ZRANB3: variants seen among roughly 807,000 people sequenced by gnomAD.
ZRANB3 encodes zinc finger RANBP2-type containing 3, also known as DNA annealing helicase and endonuclease ZRANB3.
A neutral mutation model predicts 133.8 loss-of-function variants in ZRANB3; 125 were observed. The observed-to-expected ratio is 0.93, with a 90% confidence interval of 0.81 to 1.08. The LOEUF (loss-of-function observed/expected upper bound fraction) is 1.08. Among genes scored for constraint, ZRANB3 ranks in the 50% least tolerant of loss-of-function variants. The pLI is 0.00. For synonymous variants in ZRANB3, 387 were observed against 432.7 expected (o/e 0.89, Z 1.31); for missense variants, 1,229 against 1,275.5 (o/e 0.96, Z 0.56).
intron 1 of ZRANB3, among the ~76,000 whole-genome samples, chr2:135,522,437 C>T (rs1433963006): frequency 6.6e-6 from 1 of 152,064 alleles, no homozygotes; most frequent in African/African-American, 2.4e-5. Context: ...ACTTGGGGTA[C>T]CCGCCGGGTG....
chr2:135,293,089 G>A (rs1037021392), intron 8 of ZRANB3, among the ~76,000 whole-genome samples: 1 of 151,948 alleles, frequency 6.6e-6, no homozygotes, highest in African/African-American at 2.4e-5. Context: ...TTCTTTTTTG[G>A]TTCCATATGA....
At chr2:135,497,626 C>A (rs535727913) in intron 2 of ZRANB3, among the ~76,000 whole-genome samples, 2 of 152,230 alleles carry the variant, frequency 1.3e-5, no homozygotes, top group African/African-American at 4.8e-5. Flanking sequence ...TTAGACAGCA[C>A]TTATCTAGAA....
chr2:135,522,537 C>T (rs563414395), intron 1 of ZRANB3, among the ~76,000 whole-genome samples: 6 of 152,172 alleles, frequency 3.9e-5, no homozygotes, highest in Admixed American at 6.5e-5. Flanking sequence ...AGGTAGCTCA[C>T]GCCTGTAATC....
chr2:135,203,874 T>C (rs960836275), intron 19 of ZRANB3, among the ~76,000 whole-genome samples: 2 of 152,206 alleles, frequency 1.3e-5, no homozygotes, highest in African/African-American at 2.4e-5. Flanking sequence ...TTTAGGCCAG[T>C]CCATATATAC....
At chr2:135,530,670 G>C (rs1230435435) in intron 1 of ZRANB3, 4 of 152,234 alleles carry the variant, frequency 2.6e-5, no homozygotes, top group Non-Finnish European at 5.9e-5. Context: ...ATGGTATTTT[G>C]AGGAAACTCT....
At chr2:135,228,337 G>A (rs1378869193) in intron 13 of ZRANB3, 1 of 200,920 alleles carries the variant, frequency 5.0e-6, no homozygotes, top group East Asian at 1.4e-4. Flanking sequence ...TCAGTAAGAA[G>A]GTTTTGGAGA....
chr2:135,212,646 G>A (rs1694143213), intron 17 of ZRANB3, among the ~76,000 whole-genome samples: 1 of 152,178 alleles, frequency 6.6e-6, no homozygotes, highest in South Asian at 2.1e-4. Context: ...GGTTTGCTAG[G>A]AAGTTCACCA....
chr2:135,440,461 T>G (rs1034723029), intron 2 of ZRANB3, among the ~76,000 whole-genome samples: 8 of 151,900 alleles, frequency 5.3e-5, no homozygotes, highest in Non-Finnish European at 8.8e-5. Context: ...TCCTAACTCT[T>G]ACATTGCTCA....
chr2:135,352,879 T>C (rs993004693), intron 4 of ZRANB3, among the ~76,000 whole-genome samples: 2 of 152,174 alleles, frequency 1.3e-5, no homozygotes, highest in Non-Finnish European at 2.9e-5. Context: ...GATTGTCTTA[T>C]TCTAATTGCT....
Position 135,353,739 on chromosome 2 carries a change from G to A in ZRANB3, c.181-111C>T, listed in dbSNP as rs1039206440. 4 of 735,750 alleles carry A rather than the reference G, an allele frequency of 5.4e-6. No individual in the cohort carries two copies. The African/African-American group carries it at 5.5e-5, about 10-fold the overall frequency. The allele number at this position is 735,750 out of a possible 1,614,324, so 45.6% of individuals were successfully genotyped here. On this transcript the variant is annotated intron_variant, in intron 3 of 20. Transcript: ENST00000264159. ...TTATTAGCTGGGTGTGATGGCTCATGACTGTAATCCCAGCACTTTGGGAGG... is the reference window on the plus strand; with the variant it reads ...TTATTAGCTGGGTGTGATGGCTCATAACTGTAATCCCAGCACTTTGGGAGG...
At chr2:135,328,140 T>C (rs1394820017) in intron 6 of ZRANB3, among the ~76,000 whole-genome samples, 1 of 152,118 alleles carries the variant, frequency 6.6e-6, no homozygotes, top group African/African-American at 2.4e-5. Context: ...TAGGTTTACA[T>C]GTGCCACGTT....
At position 135,265,689 on chromosome 2, in the gene ZRANB3, A is replaced by G. The variant is rs1680205857; in HGVS notation, c.1387-3T>C. 3.7e-6 allele frequency: 6 copies of G among 1,608,814 alleles called. No homozygotes were observed. Among genetic ancestry groups the G allele is most frequent in the Non-Finnish European group, 5.1e-6 (6 of 1,177,970 alleles). On this transcript the variant is annotated splice_region_variant and splice_polypyrimidine_tract_variant and intron_variant, in intron 11 of 20. Transcript: ENST00000264159. ...AGTGTGCTCCCTGTAACTTGAGCCTACAAGAGGAAAAAGTAAATGAATTTT... is the reference window on the plus strand; with the variant it reads ...AGTGTGCTCCCTGTAACTTGAGCCTGCAAGAGGAAAAAGTAAATGAATTTT...
intron 3 of ZRANB3, among the ~76,000 whole-genome samples, chr2:135,354,177 T>C (rs891316161): frequency 6.6e-6 from 1 of 152,250 alleles, no homozygotes; most frequent in African/African-American, 2.4e-5. Context: ...AAATATTATG[T>C]TGATTTTATA....
chr2:135,526,561 T>C (rs1477237971), intron 1 of ZRANB3, among the ~76,000 whole-genome samples: 1 of 152,196 alleles, frequency 6.6e-6, no homozygotes, highest in Admixed American at 6.5e-5. Context: ...TTTGAAACTA[T>C]ATATTGTGAT....
chr2:135,271,476 A>G lies in ZRANB3; in HGVS notation c.1206+292T>C, dbSNP rs544229762. 1.5e-5 allele frequency: 7 copies of G among 481,920 alleles called. No individual in the cohort carries two copies. The East Asian group carries it at 3.8e-4, about 26-fold the overall frequency. 29.9% of individuals were successfully genotyped at this position (481,920 alleles called of 1,614,324 possible). On this transcript the variant is annotated intron_variant, in intron 10 of 20. Coordinates refer to ENST00000264159, the MANE Select transcript of ZRANB3 (RefSeq NM_032143.4). ...AGCCTATACAAATTCAAAGGAAGGA[A>G]AAAAGGTCAGGCAAAAATATTACAA... is the stretch of plus-strand genomic sequence containing the variant.
intron 6 of ZRANB3, among the ~76,000 whole-genome samples, chr2:135,337,709 A>G (rs1684429527): frequency 6.6e-6 from 1 of 152,196 alleles, no homozygotes; most frequent in Admixed American, 6.5e-5. Flanking sequence ...AACAACTAAG[A>G]ACTGTGTCAC....
At chr2:135,517,787 C>T (rs1177758788) in intron 1 of ZRANB3, among the ~76,000 whole-genome samples, 1 of 152,190 alleles carries the variant, frequency 6.6e-6, no homozygotes, top group Non-Finnish European at 1.5e-5. Context: ...AGCTTGAGTG[C>T]TGTGCTGGGA....
chr2:135,320,459 A>G (rs1683469922), intron 6 of ZRANB3, among the ~76,000 whole-genome samples: 1 of 152,236 alleles, frequency 6.6e-6, no homozygotes, highest in Admixed American at 6.5e-5. Context: ...ATGCCCCTAA[A>G]GACATTTATG....
rs187693956 is a variant in ZRANB3 at position 135,216,102 on chromosome 2, C to T, written c.2495+1363G>A. Among the ~76,000 whole-genome samples the T allele has an allele frequency of 3.1e-3, 466 of 148,144 alleles. 2 individuals are homozygous for T. The highest frequency in any genetic ancestry group is 0.011 in the African/African-American group (431 of 40,336). On this transcript the variant is annotated intron_variant, in intron 17 of 20. Transcript: ENST00000264159. ...GTCTCCATCCCTTTTTTTTTTTTTACAATTTATATTTACCCTTAACAATTT... is the reference window on the plus strand; with the variant it reads ...GTCTCCATCCCTTTTTTTTTTTTTATAATTTATATTTACCCTTAACAATTT...
Sources: gnomAD v4.1 joint callset for allele counts (sites outside exome capture counted in the v4.1 genomes callset) on GRCh38, gnomAD v4.1.1 for gene constraint, MANE v1.5 for transcripts, NCBI Gene and HGNC (gene_info 2026-07-23, HGNC 2026-07-21) for gene names.